SHROOM2: variants seen among roughly 807,000 people sequenced by gnomAD.
SHROOM2 encodes protein Shroom2.
SHROOM2 carries 33 observed loss-of-function variants against 75.9 expected under a neutral mutation model. That is an observed-to-expected ratio of 0.43 (90% CI 0.33 to 0.58). The LOEUF (loss-of-function observed/expected upper bound fraction) is 0.58. Ranked by LOEUF, SHROOM2 falls within the 20% of genes least tolerant of loss-of-function variation. SHROOM2 has a pLI of 0.04. For synonymous variants in SHROOM2, 655 were observed against 663.6 expected, an observed-to-expected ratio of 0.99 and a Z score of 0.20; for missense variants, 1,434 against 1,461.2, an observed-to-expected ratio of 0.98 and a Z score of 0.30.
chrX:9,896,518 C>T lies in SHROOM2; in HGVS notation c.2610C>T (p.Leu870=), dbSNP rs987200110. 2.1e-5 allele frequency: 26 copies of T among 1,209,633 alleles called. No homozygotes were observed. Among genetic ancestry groups the T allele is most frequent in the East Asian group, 3.0e-5 (1 of 33,766 alleles). The change falls in exon 4 of 10, where the codon CTC becomes CTT. Residue 870 remains leucine (L), a synonymous_variant. Coordinates refer to ENST00000380913, the MANE Select transcript of SHROOM2 (RefSeq NM_001649.4). ...GGACTTCAGACCTGCCGCGGAGGCT[C>T]GGCACCTTTGCAGAGTATCAGGCCT... is the stretch of plus-strand genomic sequence containing the variant. ...KAGTSDLPRR[L]GTFAEYQASW...
At chrX:9,794,338 T>C (rs2083683170) in intron 1 of SHROOM2, among the ~76,000 whole-genome samples, 1 of 108,829 alleles carries the variant, frequency 9.2e-6, no homozygotes, top group Admixed American at 9.8e-5. Context: ...ACTTTTTCTC[T>C]AATAAATTAG....
chrX:9,822,797 G>C (rs1477838170), intron 1 of SHROOM2, among the ~76,000 whole-genome samples: 1 of 111,660 alleles, frequency 9.0e-6, no homozygotes, highest in Non-Finnish European at 1.9e-5. Context: ...TGCTTGCTTA[G>C]TGCCAGGAGG....
chrX:9,795,972 A>T (rs2083693239), intron 1 of SHROOM2, among the ~76,000 whole-genome samples: 1 of 111,138 alleles, frequency 9.0e-6, no homozygotes, highest in Non-Finnish European at 1.9e-5. Flanking sequence ...GCTTGCTTGC[A>T]TCCGGAGCTG....
intron 1 of SHROOM2, among the ~76,000 whole-genome samples, chrX:9,867,398 G>C (rs1223725007): frequency 9.0e-6 from 1 of 111,217 alleles, no homozygotes; most frequent in African/African-American, 3.3e-5. Context: ...TTTTGTAGAG[G>C]GGCTTTTTGA....
intron 1 of SHROOM2, among the ~76,000 whole-genome samples, chrX:9,815,434 A>ATGTGTG (rs56223508): frequency 0.039 from 3,476 of 88,638 alleles, 85 homozygotes; most frequent in Non-Finnish European, 0.047. Context: ...TATACATATT[A>ATGTGTG]TGTGTGTGTG....
At chrX:9,900,513 T>C (rs1347632375) in intron 5 of SHROOM2, among the ~76,000 whole-genome samples, 2 of 112,449 alleles carry the variant, frequency 1.8e-5, no homozygotes, top group Non-Finnish European at 3.7e-5. Flanking sequence ...GCAAAAAGTA[T>C]GTATTGTATT....
intron 1 of SHROOM2, among the ~76,000 whole-genome samples, chrX:9,855,298 A>T (rs1253742665): frequency 1.6e-4 from 16 of 101,605 alleles, no homozygotes; most frequent in African/African-American, 4.6e-4. Flanking sequence ...AGTATAGTAA[A>T]AAAAAAAAAA....
At chrX:9,946,101 AG>A (rs1569181823) in intron 9 of SHROOM2, among the ~76,000 whole-genome samples, 1 of 112,773 alleles carries the variant, frequency 8.9e-6, no homozygotes, top group African/African-American at 3.2e-5. Context: ...ACCGTGCCCG[AG>A]GGGGCTGCTG....
At chrX:9,842,983 C>T (rs2083987165) in intron 1 of SHROOM2, among the ~76,000 whole-genome samples, 2 of 112,200 alleles carry the variant, frequency 1.8e-5, no homozygotes, top group Non-Finnish European at 3.8e-5. Flanking sequence ...CTGTGTGGCT[C>T]CTGCGTGGCA....
intron 2 of SHROOM2, among the ~76,000 whole-genome samples, chrX:9,884,509 C>CT (rs200407160): frequency 0.035 from 3,573 of 102,953 alleles, 163 homozygotes; most frequent in African/African-American, 0.11. Flanking sequence ...TCTGTTCTTT[C>CT]TTTTTTTTTA....
chrX:9,883,745 C>T (rs2084244295), intron 2 of SHROOM2, among the ~76,000 whole-genome samples: 1 of 111,223 alleles, frequency 9.0e-6, no homozygotes, highest in Non-Finnish European at 1.9e-5. Flanking sequence ...AAGAAGCCTT[C>T]CGGAGGATTG....
At position 9,847,152 on chromosome X, in the gene SHROOM2, C is replaced by T. The variant is rs755695299; in HGVS notation, c.166-26500C>T. On this transcript the variant is annotated intron_variant, in intron 1 of 9. Coordinates refer to ENST00000380913, the MANE Select transcript of SHROOM2 (RefSeq NM_001649.4). Reference sequence around the variant, plus strand: ...GACAAACCTCTTTCTAGAATGAGGCCGGCAAACCAGTCTCATAATGTTCAA... The same window carrying T: ...GACAAACCTCTTTCTAGAATGAGGCTGGCAAACCAGTCTCATAATGTTCAA... 3.6e-4 allele frequency among the ~76,000 whole-genome samples: 40 copies of T among 112,327 alleles called. No individual in the cohort carries two copies. In the South Asian group the frequency reaches 9.7e-3, roughly 27 times the overall value.
At chrX:9,907,036 C>T (rs1040465461) in intron 5 of SHROOM2, among the ~76,000 whole-genome samples, 9 of 110,777 alleles carry the variant, frequency 8.1e-5, no homozygotes, top group South Asian at 7.7e-4. Context: ...GTCCCCCTGG[C>T]GTTGGGGCAG....
intron 2 of SHROOM2, among the ~76,000 whole-genome samples, chrX:9,877,922 C>T (rs1483244070): frequency 9.0e-6 from 1 of 111,163 alleles, no homozygotes; most frequent in East Asian, 2.8e-4. Context: ...CCTATCCACT[C>T]GGTGCCAGGG....
intron 5 of SHROOM2, among the ~76,000 whole-genome samples, chrX:9,926,677 G>A (rs1249802783): frequency 2.7e-5 from 3 of 111,850 alleles, no homozygotes; most frequent in Non-Finnish European, 5.6e-5. Context: ...GTGCACATGG[G>A]TGGCAGAGAG....
At chrX:9,866,144 C>T (rs1415972697) in intron 1 of SHROOM2, among the ~76,000 whole-genome samples, 2 of 87,216 alleles carry the variant, frequency 2.3e-5, no homozygotes, top group Non-Finnish European at 4.3e-5. Context: ...TTTCCATCTT[C>T]TAGGGGCTTC....
rs765929252 is a variant in SHROOM2 at position 9,932,615 on chromosome X, T to A, written c.3332T>A (p.Leu1111His). ...SLDVYVARLS[L>H]SHSPSVFSSA... ...GATGTGTATGTGGCCCGCCTGTCCC[T>A]CTCCCACAGCCCCTCTGTGTTCAGC... is the stretch of plus-strand genomic sequence containing the variant. The change falls in exon 6 of 10, where the codon CTC becomes CAC. Residue 1111 changes from leucine to histidine, a missense_variant. Around this residue, in one of 3 missense-constraint regions of SHROOM2, gnomAD observed 1,340 missense variants for 1,338.3 expected, o/e 1.00. Coordinates refer to ENST00000380913, the MANE Select transcript of SHROOM2 (RefSeq NM_001649.4). 8.3e-7 allele frequency: 1 copy of A among 1,209,495 alleles called. No individual in the cohort carries two copies. The highest frequency in any genetic ancestry group is 3.0e-5 in the East Asian group (1 of 33,726).
intron 8 of SHROOM2, among the ~76,000 whole-genome samples, chrX:9,942,018 C>T (rs1301966116): frequency 1.8e-5 from 2 of 108,971 alleles, no homozygotes; most frequent in South Asian, 4.0e-4. Flanking sequence ...CCCTGGCGGG[C>T]GTCCTTCCTT....
intron 1 of SHROOM2, among the ~76,000 whole-genome samples, chrX:9,850,647 C>A (rs2084033559): frequency 9.1e-6 from 1 of 110,332 alleles, no homozygotes; most frequent in Non-Finnish European, 1.9e-5. Context: ...CGTGACCACC[C>A]TGGGCAACAT....
Sources: gnomAD v4.1 joint callset for allele counts (sites outside exome capture counted in the v4.1 genomes callset) on GRCh38, gnomAD v4.1.1 for gene constraint, gnomAD v4.1.1 regional missense constraint, MANE v1.5 for transcripts, NCBI Gene and HGNC (gene_info 2026-07-23, HGNC 2026-07-21) for gene names.